The following METAP1D variants were observed in gnomAD, a reference collection of about 807,000 sequenced individuals.
METAP1D encodes the protein methionine aminopeptidase 1D, mitochondrial.
A neutral mutation model predicts 40.5 loss-of-function variants in METAP1D; 31 were observed. The ratio of observed to expected loss-of-function variants is 0.77; its 90% CI spans 0.58 to 1.03. The LOEUF is 1.03. Ranked by LOEUF, METAP1D falls within the 50% of genes least tolerant of loss-of-function variation. METAP1D has a pLI of 0.00. For synonymous variants in METAP1D, 151 were observed against 146.4 expected (o/e 1.03, Z -0.22); for missense variants, 411 against 420.7 (o/e 0.98, Z 0.20).
chr2:172,070,032 G>T (rs1055999865), intron 5 of METAP1D, among the ~76,000 whole-genome samples: 6 of 152,022 alleles, frequency 3.9e-5, no homozygotes, highest in African/African-American at 9.7e-5. Flanking sequence ...AATTAGATAG[G>T]ACAAATTTAT....
Position 172,035,417 on chromosome 2 carries a change from G to A in METAP1D, c.41-26081G>A, listed in dbSNP as rs1034595098. Among the ~76,000 whole-genome samples, 10 of 151,960 alleles carry A rather than the reference G, an allele frequency of 6.6e-5. No homozygotes were observed. The South Asian group carries it at 1.5e-3, about 22-fold the overall frequency. ...CTGACCTCGTGATCCTACCGCCTCC[G>A]CCTCCCAAAGTGCTGGGATTACAGG... On this transcript the variant is annotated intron_variant, in intron 1 of 9. Transcript: ENST00000315796.
Position 172,080,206 on chromosome 2 carries a change from G to C in METAP1D, c.929G>C (p.Arg310Thr), listed in dbSNP as rs1690667780. Reference sequence around the variant, plus strand: ...ACTGTGGTCTCCCTAGACAATCAAAGGTGTTTGCTTTCTGCTCTGTTGCTT... The same window carrying C: ...ACTGTGGTCTCCCTAGACAATCAAACGTGTTTGCTTTCTGCTCTGTTGCTT... The part of the protein sequence containing the change: ...AWTVVSLDNQ[R>T]SAQFEHTVLI... Residue 310 changes from arginine (R) to threonine (T), a missense_variant and splice_region_variant, in exon 9 of 10, where the codon AGG becomes ACG. By Grantham distance (71) the Arg-to-Thr change is moderately conservative (BLOSUM62 -1). Transcript: ENST00000315796. The C allele has an allele frequency of 6.2e-7, 1 of 1,614,248 alleles. No individual in the cohort carries two copies.
chr2:172,063,014 T>A (rs908786222), intron 2 of METAP1D, among the ~76,000 whole-genome samples: 1 of 152,242 alleles, frequency 6.6e-6, no homozygotes, highest in African/African-American at 2.4e-5. Context: ...TGGTATTTAT[T>A]TCCTGAATAC....
chr2:172,015,948 TTG>T (rs1016386774), intron 1 of METAP1D, among the ~76,000 whole-genome samples: 2 of 151,168 alleles, frequency 1.3e-5, no homozygotes, highest in African/African-American at 4.9e-5. Flanking sequence ...AGTGGGACTC[TTG>T]TGTCTTAAAA....
At position 172,036,271 on chromosome 2, in the gene METAP1D, C is replaced by T. The variant is rs762001533; in HGVS notation, c.41-25227C>T. ...GGCGGAGCTTGCAGAGAGCCGAGAT[C>T]GCGCCATTGCACTCCAGCCTGGGCG... On this transcript the variant is annotated intron_variant, in intron 1 of 9. Coordinates refer to ENST00000315796, the MANE Select transcript of METAP1D (RefSeq NM_199227.3). Among the ~76,000 whole-genome samples, 262 of 146,760 alleles carry T rather than the reference C, an allele frequency of 1.8e-3. 1 individual carries two copies. Among genetic ancestry groups the T allele is most frequent in the Middle Eastern group, 3.5e-3 (1 of 284 alleles).
intron 5 of METAP1D, among the ~76,000 whole-genome samples, chr2:172,070,229 C>G (rs998492085): frequency 6.6e-6 from 1 of 152,100 alleles, no homozygotes; most frequent in Non-Finnish European, 1.5e-5. Flanking sequence ...TGCTTTTAAG[C>G]TTGTTTTATT....
At chr2:172,078,080 TTAGAG>T (rs1690592464) in intron 7 of METAP1D, among the ~76,000 whole-genome samples, 186 bp downstream of exon 7, 1 of 152,090 alleles carries the variant, frequency 6.6e-6, no homozygotes, top group Non-Finnish European at 1.5e-5. Flanking sequence ...TGTTACTGGA[TTAGAG>T]CCCAGCTGTT....
rs570964028 is a variant in METAP1D at position 172,010,142 on chromosome 2, C to CT, written c.40+10149dup. Among the ~76,000 whole-genome samples, 1,283 of 134,338 alleles carry CT rather than the reference C, an allele frequency of 9.6e-3. 12 individuals are homozygous for CT. The highest frequency in any genetic ancestry group is 0.022 in the African/African-American group (804 of 36,804). The allele number at this position is 134,338 out of a possible 152,430, so 88.1% of individuals were successfully genotyped here. A position where few individuals can be genotyped will look rare whatever the true frequency, so the allele number is the denominator to read the frequency against. ...ATTGTGGAGGGGTTTTTTGTCCCTT[C>CT]TTTTTTTTTTTTTTTTGAGACAGGG... On this transcript the variant is annotated intron_variant, in intron 1 of 9. Coordinates refer to ENST00000315796, the MANE Select transcript of METAP1D (RefSeq NM_199227.3).
chr2:172,032,107 G>C (rs1689254453), intron 1 of METAP1D, among the ~76,000 whole-genome samples: 1 of 152,064 alleles, frequency 6.6e-6, no homozygotes, highest in Non-Finnish European at 1.5e-5. Context: ...TTGGTTTTGG[G>C]TTTCCTTCTT....
At chr2:172,036,785 T>C (rs1029889368) in intron 1 of METAP1D, among the ~76,000 whole-genome samples, 2 of 152,208 alleles carry the variant, frequency 1.3e-5, no homozygotes, top group Non-Finnish European at 2.9e-5. Context: ...ACAGGCAGTT[T>C]TCCAAGGTGG....
chr2:172,022,174 C>T (rs1344236235), intron 1 of METAP1D, among the ~76,000 whole-genome samples: 4 of 152,128 alleles, frequency 2.6e-5, no homozygotes. Context: ...ATGATCCCAC[C>T]CTGCCCCCAT....
chr2:172,007,315 G>A (rs1209336788), intron 1 of METAP1D, among the ~76,000 whole-genome samples: 2 of 151,630 alleles, frequency 1.3e-5, no homozygotes, highest in Admixed American at 6.6e-5. Context: ...GACTATAGGC[G>A]CACACCACCA....
Position 172,080,206 on chromosome 2 carries a change from G to T in METAP1D, c.929G>T (p.Arg310Met). 6.2e-7 allele frequency: 1 copy of T among 1,614,248 alleles called. No individual in the cohort carries two copies. Among genetic ancestry groups the T allele is most frequent in the Non-Finnish European group, 8.5e-7 (1 of 1,180,032 alleles). Residue 310 changes from arginine (R) to methionine (M), a missense_variant and splice_region_variant, in exon 9 of 10, where the codon AGG becomes ATG. Transcript: ENST00000315796. ...ACTGTGGTCTCCCTAGACAATCAAA[G>T]GTGTTTGCTTTCTGCTCTGTTGCTT... The part of the protein sequence containing the change: ...AWTVVSLDNQ[R>M]SAQFEHTVLI...
intron 1 of METAP1D, among the ~76,000 whole-genome samples, chr2:172,040,051 G>A (rs1318973821): frequency 1.3e-5 from 2 of 151,396 alleles, no homozygotes; most frequent in Non-Finnish European, 2.9e-5. Flanking sequence ...ACTGCCTGCC[G>A]GGTTCAAGCG....
At position 172,065,660 on chromosome 2, in the gene METAP1D, T is replaced by G; in HGVS notation, c.405T>G (p.His135Gln). Residue 135 changes from histidine (H) to glutamine (Q), a missense_variant, in exon 4 of 10, where the codon CAT becomes CAG. Transcript: ENST00000315796. ...DALVHREIIS[H>Q]NAYPSPLGYG... is the part of the protein sequence containing the mutation. ...TTGTTCATCGGGAAATCATCAGTCA[T>G]AATGCCTATCCCTCACCTCTAGGCT... is the stretch of plus-strand genomic sequence containing the variant. 1 of 1,614,008 alleles carries G rather than the reference T, an allele frequency of 6.2e-7. No homozygotes were observed. Among genetic ancestry groups the G allele is most frequent in the Non-Finnish European group, 8.5e-7 (1 of 1,179,910 alleles).
At chr2:172,014,278 A>G (rs1451799383) in intron 1 of METAP1D, among the ~76,000 whole-genome samples, 1 of 150,294 alleles carries the variant, frequency 6.7e-6, no homozygotes, top group Non-Finnish European at 1.5e-5. Context: ...TGCCTGGCTA[A>G]TTTTTGTATT....
intron 1 of METAP1D, among the ~76,000 whole-genome samples, chr2:172,006,365 A>G (rs567814498): frequency 6.6e-6 from 1 of 152,110 alleles, no homozygotes; most frequent in African/African-American, 2.4e-5. Context: ...TTGTATTTTT[A>G]GTAGAGATGG....
At chr2:172,075,375 A>G (rs1218420630) in intron 6 of METAP1D, among the ~76,000 whole-genome samples, 1 of 152,152 alleles carries the variant, frequency 6.6e-6, no homozygotes, top group Non-Finnish European at 1.5e-5. Flanking sequence ...AGGGCAAGAA[A>G]ACTCTTGTGC....
chr2:172,080,081 A>C, intron 8 of METAP1D, 47 bp from the exon 9 acceptor site: 1 of 1,509,908 alleles, frequency 6.6e-7, no homozygotes, highest in Non-Finnish European at 9.1e-7. Flanking sequence ...ACAATGTTTA[A>C]CAAGAATCTG....
Sources: allele counts gnomAD v4.1 joint callset (sites outside exome capture counted in the v4.1 genomes callset), GRCh38; gene constraint gnomAD v4.1.1; transcripts MANE v1.5; gene names NCBI Gene and HGNC (gene_info 2026-07-23, HGNC 2026-07-21).